EYS: variants seen among roughly 807,000 people sequenced by gnomAD.
EYS encodes EGF-like photoreceptor maintenance factor.
In EYS, 250 loss-of-function variants were observed where a neutral mutation model predicts 282.1. That is an observed-to-expected ratio of 0.89 (90% CI 0.80 to 0.98). The LOEUF (loss-of-function observed/expected upper bound fraction) is 0.98. EYS is among the 50% of genes least tolerant of loss of function. The pLI, the probability that EYS is intolerant of heterozygous loss-of-function variation, is 0.00. For missense variants in EYS, 4,016 were observed against 3,709.0 expected (o/e 1.08, Z -2.15); for synonymous variants, 1,355 against 1,282.9 (o/e 1.06, Z -1.20).
chr6:65,416,750 G>A (rs185217979), intron 5 of EYS, among the ~76,000 whole-genome samples: 3 of 151,964 alleles, frequency 2.0e-5, no homozygotes, highest in South Asian at 2.1e-4. Flanking sequence ...ACTCAAGTTC[G>A]TTTTAGTCTA....
At chr6:64,526,879 G>A (rs1407782142) in intron 26 of EYS, among the ~76,000 whole-genome samples, 1 of 151,746 alleles carries the variant, frequency 6.6e-6, no homozygotes, top group Non-Finnish European at 1.5e-5. Flanking sequence ...CTTAAAGCAA[G>A]GCTAATACTG....
chr6:63,993,025 C>T (rs542130809), intron 34 of EYS, among the ~76,000 whole-genome samples: 11 of 151,742 alleles, frequency 7.2e-5, no homozygotes, highest in African/African-American at 2.4e-4. Flanking sequence ...TCCTTCCTGC[C>T]TTACAAGGCC....
At chr6:64,453,899 C>T (rs1256329613) in intron 26 of EYS, among the ~76,000 whole-genome samples, 1 of 152,020 alleles carries the variant, frequency 6.6e-6, no homozygotes, top group Non-Finnish European at 1.5e-5. Flanking sequence ...GGAGATATAC[C>T]TAATGCTAAA....
intron 12 of EYS, among the ~76,000 whole-genome samples, chr6:65,078,076 C>T (rs1486711544): frequency 6.6e-6 from 1 of 151,938 alleles, no homozygotes; most frequent in African/African-American, 2.4e-5. Flanking sequence ...TAATTGATTT[C>T]CTCTTTTCTA....
intron 13 of EYS, among the ~76,000 whole-genome samples, chr6:65,030,708 G>A (rs1772574834): frequency 6.6e-6 from 1 of 152,166 alleles, no homozygotes; most frequent in African/African-American, 2.4e-5. Context: ...AAAGGCCATG[G>A]ACCTGTTAGT....
chr6:64,546,924 G>A (rs1446255374), intron 26 of EYS, among the ~76,000 whole-genome samples: 1 of 152,186 alleles, frequency 6.6e-6, no homozygotes, highest in Non-Finnish European at 1.5e-5. Flanking sequence ...CACTGTTGGT[G>A]CTGTGTCCAG....
chr6:64,149,635 A>G (rs995689070), intron 31 of EYS, among the ~76,000 whole-genome samples: 2 of 152,210 alleles, frequency 1.3e-5, no homozygotes, highest in Non-Finnish European at 2.9e-5. Context: ...TAAATCTAAC[A>G]AGTATATGAA....
At chr6:65,342,128 G>A (rs79213582) in intron 10 of EYS, among the ~76,000 whole-genome samples, 35 of 150,994 alleles carry the variant, frequency 2.3e-4, no homozygotes, top group Non-Finnish European at 4.0e-4. Flanking sequence ...ACTGAGGTTT[G>A]CTCATTTATA....
intron 26 of EYS, among the ~76,000 whole-genome samples, chr6:64,585,111 G>A (rs1361213506): frequency 2.0e-5 from 3 of 152,024 alleles, no homozygotes; most frequent in Non-Finnish European, 4.4e-5. Context: ...AAGGTGGTGC[G>A]TATACATCAT....
At chr6:64,994,856 C>G (rs1201850419) in intron 14 of EYS, among the ~76,000 whole-genome samples, 2 of 152,134 alleles carry the variant, frequency 1.3e-5, no homozygotes, top group Non-Finnish European at 2.9e-5. Flanking sequence ...CAATATTTAA[C>G]AAGACATTTG....
chr6:65,544,733 G>C (rs992135647), intron 2 of EYS, among the ~76,000 whole-genome samples: 7 of 152,040 alleles, frequency 4.6e-5, no homozygotes, highest in African/African-American at 1.7e-4. Context: ...ATAGAGAAAA[G>C]TAAAAATAAA....
chr6:64,917,035 G>A (rs991064859), intron 15 of EYS, among the ~76,000 whole-genome samples: 11 of 152,174 alleles, frequency 7.2e-5, no homozygotes, highest in African/African-American at 2.7e-4. Context: ...TGGATCACGA[G>A]GTCAGGAAAT....
chr6:64,847,644 G>C (rs1047415210), intron 19 of EYS, among the ~76,000 whole-genome samples: 9 of 151,942 alleles, frequency 5.9e-5, no homozygotes, highest in African/African-American at 1.9e-4. Context: ...GTTTTTAAAA[G>C]ACTCATCATG....
chr6:64,063,739 A>AGATT (rs140873854), intron 33 of EYS, among the ~76,000 whole-genome samples: 1 of 151,950 alleles, frequency 6.6e-6, no homozygotes, highest in Non-Finnish European at 1.5e-5. Context: ...TTTTATTGAT[A>AGATT]GATTGATTGA....
chr6:63,822,525 T>A (rs1268873399), intron 36 of EYS: 1 of 152,224 alleles, frequency 6.6e-6, no homozygotes, highest in Non-Finnish European at 1.5e-5. Flanking sequence ...TGTCTGAACT[T>A]TCATTTGAGG....
At chr6:65,071,486 A>G (rs1325292268) in intron 12 of EYS, among the ~76,000 whole-genome samples, 1 of 151,820 alleles carries the variant, frequency 6.6e-6, no homozygotes, top group African/African-American at 2.4e-5. Context: ...TGCCCATCTA[A>G]TAACAGGCAG....
chr6:65,439,963 G>A (rs1051707940), intron 5 of EYS, among the ~76,000 whole-genome samples: 3 of 152,040 alleles, frequency 2.0e-5, no homozygotes, highest in Non-Finnish European at 4.4e-5. Flanking sequence ...ACAGTGGAGG[G>A]CAAATAAGTG....
chr6:65,404,510 C>T (rs1425598055), intron 6 of EYS, among the ~76,000 whole-genome samples: 4 of 151,832 alleles, frequency 2.6e-5, no homozygotes, highest in African/African-American at 9.7e-5. Context: ...TTGCTCTTTG[C>T]CCTTGTATCT....
At chr6:65,106,924 GA>G (rs1285298020) in intron 12 of EYS, among the ~76,000 whole-genome samples, 6 of 151,970 alleles carry the variant, frequency 3.9e-5, no homozygotes, top group Non-Finnish European at 7.4e-5. Context: ...GGCTGGGTTT[GA>G]GAAAAAGAAC....
Sources: allele counts gnomAD v4.1 joint callset (sites outside exome capture counted in the v4.1 genomes callset), GRCh38; gene constraint gnomAD v4.1.1; transcripts MANE v1.5; gene names NCBI Gene and HGNC (gene_info 2026-07-23, HGNC 2026-07-21).